CDIP1: variants seen among roughly 807,000 people sequenced by gnomAD.
CDIP1 encodes cell death inducing p53 target 1.
A neutral mutation model predicts 17.7 loss-of-function variants in CDIP1; 9 were observed. The ratio of observed to expected loss-of-function variants is 0.51; its 90% CI spans 0.31 to 0.89. The LOEUF (loss-of-function observed/expected upper bound fraction) is 0.89. CDIP1 is among the 40% of genes least tolerant of loss of function. The pLI is 0.05. For missense variants in CDIP1, 263 were observed against 277.9 expected (o/e 0.95, Z 0.38); for synonymous variants, 117 against 109.5 (o/e 1.07, Z -0.43).
chr16:4,525,069 T>C (rs2058986335), intron 1 of CDIP1, among the ~76,000 whole-genome samples: 1 of 152,098 alleles, frequency 6.6e-6, no homozygotes, highest in African/African-American at 2.4e-5. Flanking sequence ...CAATGCACTC[T>C]AGCCTGGGCA....
chr16:4,520,164 T>C (rs944435993), intron 1 of CDIP1, among the ~76,000 whole-genome samples: 2 of 151,084 alleles, frequency 1.3e-5, no homozygotes, highest in East Asian at 3.9e-4. Context: ...CAGGCTGGAG[T>C]GCAGTGGCGC....
At chr16:4,518,175 C>A (rs2141635406) in intron 1 of CDIP1, among the ~76,000 whole-genome samples, 1 of 152,360 alleles carries the variant, frequency 6.6e-6, no homozygotes, top group East Asian at 1.9e-4. Flanking sequence ...CACACGTGTG[C>A]ACACACACCC....
intron 1 of CDIP1, among the ~76,000 whole-genome samples, chr16:4,525,531 G>A (rs1165953932): frequency 6.6e-6 from 1 of 152,120 alleles, no homozygotes; most frequent in Non-Finnish European, 1.5e-5. Context: ...CTGCTCCTGG[G>A]CCCCAAACCC....
chr16:4,515,643 G>A (rs2058879989), intron 1 of CDIP1, among the ~76,000 whole-genome samples: 1 of 152,036 alleles, frequency 6.6e-6, no homozygotes, highest in Non-Finnish European at 1.5e-5. Flanking sequence ...AAAGACAAAT[G>A]GCCAAAAGCA....
At chr16:4,534,007 T>C (rs1372235206) in intron 1 of CDIP1, among the ~76,000 whole-genome samples, 3 of 151,968 alleles carry the variant, frequency 2.0e-5, no homozygotes, top group South Asian at 2.1e-4. Context: ...CTGGAGTCCA[T>C]TGGTGCGATC....
rs1185986390 is a variant in CDIP1, at chr16:4,534,785, C to G, written c.-105+3917G>C. ...CCAGGCTGGAGTGCAGTGGTACAAT[C>G]TCGACTCACTGCAACCTCCACCTGC... On this transcript the variant is annotated intron_variant, in intron 1 of 5. Coordinates refer to ENST00000567695, the MANE Select transcript of CDIP1 (RefSeq NM_013399.3). Among the ~76,000 whole-genome samples, 3 of 147,858 alleles carry G rather than the reference C, an allele frequency of 2.0e-5. No individual in the cohort carries two copies. The South Asian group carries it at 6.5e-4, about 32-fold the overall frequency.
chr16:4,532,658 T>C (rs1442872768), intron 1 of CDIP1: 1 of 152,234 alleles, frequency 6.6e-6, no homozygotes, highest in East Asian at 1.9e-4. Flanking sequence ...TGACATCAAG[T>C]AGGTGGCTCC....
At chr16:4,527,929 G>C (rs974962148) in intron 1 of CDIP1, among the ~76,000 whole-genome samples, 1 of 151,956 alleles carries the variant, frequency 6.6e-6, no homozygotes, top group African/African-American at 2.4e-5. Flanking sequence ...TAATTCTTCT[G>C]CCTCAGCCTC....
At chr16:4,534,659 T>C (rs2059088513) in intron 1 of CDIP1, among the ~76,000 whole-genome samples, 1 of 151,610 alleles carries the variant, frequency 6.6e-6, no homozygotes, top group South Asian at 2.1e-4. Flanking sequence ...TTCCTCCTGC[T>C]TCCCCAGCCT....
chr16:4,535,560 TC>T (rs1464286037), intron 1 of CDIP1, among the ~76,000 whole-genome samples: 1 of 152,206 alleles, frequency 6.6e-6, no homozygotes, highest in African/African-American at 2.4e-5. Context: ...TGGGTGATGC[TC>T]TTCACCTATC....
At position 4,511,708 on chromosome 16, in the gene CDIP1, T is replaced by C. The variant is rs530881806; in HGVS notation, c.*864A>G. 4 of 152,446 alleles carry C rather than the reference T, an allele frequency of 2.6e-5. No individual in the cohort carries two copies. The highest frequency in any genetic ancestry group is 1.3e-4 in the Admixed American group (2 of 15,294). The allele number at this position is 152,446 out of a possible 1,614,324, so 9.4% of individuals were successfully genotyped here. A position where few individuals can be genotyped will look rare whatever the true frequency, so the allele number is the denominator to read the frequency against. On this transcript the variant is annotated 3_prime_UTR_variant, in exon 6 of 6. Transcript: ENST00000567695. ...GGACCCTCTGCCATCTCTTGCCCAG[T>C]TGGGATACACCAGCCACCAGGCAGA...
intron 1 of CDIP1, chr16:4,522,397 C>T (rs2058960142): frequency 6.6e-6 from 1 of 152,312 alleles, no homozygotes; most frequent in African/African-American, 2.4e-5. Flanking sequence ...CTTGGTGCTG[C>T]ATCCCCAGGA....
At position 4,512,277 on chromosome 16, in the gene CDIP1, C is replaced by T. The variant is rs1266317438; in HGVS notation, c.*295G>A. 9 of 495,876 alleles carry T rather than the reference C, an allele frequency of 1.8e-5. No homozygotes were observed. In the East Asian group the frequency reaches 3.3e-4, roughly 18 times the overall value. The allele number at this position is 495,876 out of a possible 1,614,324, so 30.7% of individuals were successfully genotyped here. A position where few individuals can be genotyped will look rare whatever the true frequency, so the allele number is the denominator to read the frequency against. ...TTTGGAAACAGAGGCATCAGGACCC[C>T]AGCAGGAGACCCCTCCCAGCTTATC... On this transcript the variant is annotated 3_prime_UTR_variant, in exon 6 of 6. Coordinates refer to ENST00000567695, the MANE Select transcript of CDIP1 (RefSeq NM_013399.3). This position sits in a 1 kb window ranked among gnomAD's most constrained non-coding sequence, Gnocchi z 4.6.
rs1436113990 is a variant in CDIP1, at chr16:4,512,346, A to G, written c.*226T>C. On this transcript the variant is annotated 3_prime_UTR_variant, in exon 6 of 6. Transcript: ENST00000567695. This position sits in a 1 kb window ranked among gnomAD's most constrained non-coding sequence, Gnocchi z 4.6. ...AAGCAGACCAACAACACACAAGCTCATTGTCAGCCCCCTGCCACCCACTGA... is the reference window on the plus strand; with the variant it reads ...AAGCAGACCAACAACACACAAGCTCGTTGTCAGCCCCCTGCCACCCACTGA... 1 of 592,478 alleles carries G rather than the reference A, an allele frequency of 1.7e-6. No homozygotes were observed. The highest frequency in any genetic ancestry group is 1.9e-5 in the African/African-American group (1 of 53,730). 36.7% of individuals were successfully genotyped at this position (592,478 alleles called of 1,614,324 possible).
chr16:4,534,469 C>A (rs1385128972), intron 1 of CDIP1, among the ~76,000 whole-genome samples: 1 of 152,230 alleles, frequency 6.6e-6, no homozygotes, highest in African/African-American at 2.4e-5. Flanking sequence ...CTTCCGCCAC[C>A]CCTGCTGTTT....
chr16:4,536,258 C>A (rs2059105109), intron 1 of CDIP1, among the ~76,000 whole-genome samples: 1 of 152,208 alleles, frequency 6.6e-6, no homozygotes, highest in Non-Finnish European at 1.5e-5. Context: ...CCCACTCAGG[C>A]AACTGAGTAG....
intron 1 of CDIP1, among the ~76,000 whole-genome samples, chr16:4,535,426 G>T (rs938008579): frequency 2.6e-5 from 4 of 152,226 alleles, no homozygotes; most frequent in African/African-American, 9.6e-5. Flanking sequence ...TTCAAGGAAA[G>T]AATCAGAATG....
At chr16:4,516,173 CA>C (rs1245886027) in intron 1 of CDIP1, among the ~76,000 whole-genome samples, 1 of 152,140 alleles carries the variant, frequency 6.6e-6, no homozygotes, top group Non-Finnish European at 1.5e-5. Flanking sequence ...CACAAAAGGC[CA>C]CATACTGTAT....
chr16:4,537,966 A>C (rs2059126935), intron 1 of CDIP1, among the ~76,000 whole-genome samples: 1 of 152,232 alleles, frequency 6.6e-6, no homozygotes, highest in African/African-American at 2.4e-5. Context: ...GCGCGGGTGC[A>C]GGACACTGCT....
Sources: gnomAD v4.1 joint callset for allele counts (sites outside exome capture counted in the v4.1 genomes callset) on GRCh38, gnomAD v4.1.1 for gene constraint, Gnocchi (gnomAD v3.1) non-coding constraint, MANE v1.5 for transcripts, NCBI Gene and HGNC (gene_info 2026-07-23, HGNC 2026-07-21) for gene names.